CSRNP3: variants seen among roughly 807,000 people sequenced by gnomAD.
CSRNP3 encodes the protein cysteine/serine-rich nuclear protein 3.
A neutral mutation model predicts 48.0 loss-of-function variants in CSRNP3; 12 were observed. The observed-to-expected ratio is 0.25, with a 90% CI of 0.16 to 0.41. The LOEUF (loss-of-function observed/expected upper bound fraction) is 0.41. CSRNP3 is among the 10% of genes least tolerant of loss of function. CSRNP3 has a pLI of 1.00. For synonymous variants in CSRNP3, 263 were observed against 269.7 expected, an observed-to-expected ratio of 0.98 and a Z score of 0.24; for missense variants, 580 against 724.4, an observed-to-expected ratio of 0.80 and a Z score of 2.29.
intron 4 of CSRNP3, among the ~76,000 whole-genome samples, chr2:165,626,540 A>G (rs1159081428): frequency 6.6e-6 from 1 of 152,210 alleles, no homozygotes; most frequent in East Asian, 1.9e-4. Flanking sequence ...TGTCCAAAGC[A>G]TGAGATAAAT....
At chr2:165,600,829 A>G (rs1225633374) in intron 4 of CSRNP3, among the ~76,000 whole-genome samples, 2 of 152,168 alleles carry the variant, frequency 1.3e-5, no homozygotes, top group African/African-American at 4.8e-5. Flanking sequence ...TATCTCATGT[A>G]CCCAGTGTTT....
rs142366433 is a variant in CSRNP3 at position 165,595,115 on chromosome 2, C to T, written c.50C>T (p.Pro17Leu). The T allele has an allele frequency of 3.7e-6, 6 of 1,613,804 alleles. No individual in the cohort carries two copies. Among genetic ancestry groups the T allele is most frequent in the South Asian group, 1.1e-5 (1 of 91,082 alleles). Residue 17 changes from proline to leucine, a missense_variant, in exon 4 of 7, where the codon CCC becomes CTC. Physicochemically the swap from Pro to Leu is moderately conservative, Grantham distance 98. Around this residue, in one of 4 missense-constraint regions of CSRNP3, gnomAD observed 83 missense variants for 139.6 expected, o/e 0.59. Transcript: ENST00000651982. ...TTTGAAGAAGTTGACGGCTCCTCAC[C>T]CTGCTCCTCTGTGAGGGAATCAGAT... ...RKFEEVDGSS[P>L]CSSVRESDDE... is the part of the protein sequence containing the mutation.
chr2:165,639,037 A>G (rs1049462719), intron 4 of CSRNP3, among the ~76,000 whole-genome samples: 1 of 152,216 alleles, frequency 6.6e-6, no homozygotes, highest in Non-Finnish European at 1.5e-5. Flanking sequence ...ACCTTATTAA[A>G]TATATGTTGT....
At chr2:165,526,840 A>G (rs2221999) in intron 3 of CSRNP3, among the ~76,000 whole-genome samples, 26,869 of 152,122 alleles carry the variant, frequency 0.18, 2,557 homozygotes, top group Non-Finnish European at 0.19. Context: ...AATTTGGTTC[A>G]ACTTTTCTAG....
chr2:165,593,044 G>A (rs959655929), intron 3 of CSRNP3, among the ~76,000 whole-genome samples: 66 of 151,840 alleles, frequency 4.3e-4, no homozygotes, highest in African/African-American at 1.2e-3. Flanking sequence ...CTCGTGATCC[G>A]CCCGCCTCGG....
intron 3 of CSRNP3, among the ~76,000 whole-genome samples, chr2:165,576,132 AAT>A (rs534941335): frequency 1.5e-4 from 23 of 150,584 alleles, no homozygotes; most frequent in East Asian, 7.8e-4. Flanking sequence ...TGCATAAAAC[AAT>A]ATATATATAC....
At chr2:165,557,409 T>C (rs1469957419) in intron 3 of CSRNP3, among the ~76,000 whole-genome samples, 1 of 152,178 alleles carries the variant, frequency 6.6e-6, no homozygotes, top group African/African-American at 2.4e-5. Flanking sequence ...TGACTCCTGG[T>C]TTATAGTATC....
chr2:165,636,739 TG>T (rs1686633854), intron 4 of CSRNP3, among the ~76,000 whole-genome samples: 1 of 152,234 alleles, frequency 6.6e-6, no homozygotes. Context: ...ATATGGTTAT[TG>T]TTTCCATCCA....
At chr2:165,598,578 A>G (rs950501802) in intron 4 of CSRNP3, among the ~76,000 whole-genome samples, 2 of 152,208 alleles carry the variant, frequency 1.3e-5, no homozygotes, top group Non-Finnish European at 2.9e-5. Context: ...GCTAAGGTAT[A>G]TATTAGTCAG....
intron 3 of CSRNP3, among the ~76,000 whole-genome samples, chr2:165,571,317 A>G (rs1391502217): frequency 6.6e-6 from 1 of 152,012 alleles, no homozygotes; most frequent in African/African-American, 2.4e-5. Flanking sequence ...CAAGCTTTCA[A>G]ACATCATTTT....
chr2:165,632,828 T>C (rs573031499), intron 4 of CSRNP3, among the ~76,000 whole-genome samples: 1 of 152,332 alleles, frequency 6.6e-6, no homozygotes, highest in Admixed American at 6.5e-5. Flanking sequence ...ATGGGCTACA[T>C]GACTTACCAG....
At chr2:165,474,219 G>GTTTTA (rs959526722) in intron 1 of CSRNP3, among the ~76,000 whole-genome samples, 11 of 151,838 alleles carry the variant, frequency 7.2e-5, no homozygotes, top group East Asian at 1.9e-4. Context: ...TTATCATATT[G>GTTTTA]TTTTATTTTA....
At chr2:165,590,284 A>G (rs1184176759) in intron 3 of CSRNP3, among the ~76,000 whole-genome samples, 1 of 152,190 alleles carries the variant, frequency 6.6e-6, no homozygotes, top group East Asian at 1.9e-4. Context: ...TATAACATTC[A>G]TGCAGAAAGA....
chr2:165,568,257 AT>A (rs1192035936), intron 3 of CSRNP3, among the ~76,000 whole-genome samples: 6 of 151,964 alleles, frequency 3.9e-5, no homozygotes, highest in African/African-American at 1.4e-4. Context: ...TACTTTGCCC[AT>A]ACCTCTTATC....
At chr2:165,615,087 C>A (rs1421903289) in intron 4 of CSRNP3, among the ~76,000 whole-genome samples, 14 of 152,162 alleles carry the variant, frequency 9.2e-5, no homozygotes, top group Admixed American at 4.6e-4. Context: ...TTGGTCTATA[C>A]TGAAGTTAAG....
chr2:165,479,815 G>T (rs1388255376), intron 1 of CSRNP3, among the ~76,000 whole-genome samples: 3 of 151,544 alleles, frequency 2.0e-5, no homozygotes, highest in African/African-American at 7.3e-5. Context: ...AACCCATGGG[G>T]CTGAGGCTGC....
At chr2:165,483,319 A>G (rs1254021486) in intron 1 of CSRNP3, among the ~76,000 whole-genome samples, 2 of 152,292 alleles carry the variant, frequency 1.3e-5, no homozygotes, top group East Asian at 3.9e-4. Flanking sequence ...GGAAAAGTCA[A>G]TGTAGTCAAC....
chr2:165,651,388 T>C, intron 4 of CSRNP3, among the ~76,000 whole-genome samples: 1 of 152,238 alleles, frequency 6.6e-6, no homozygotes, highest in Non-Finnish European at 1.5e-5. Context: ...TAGAGCCTAG[T>C]GTGAATCAGC....
At chr2:165,665,453 C>T (rs911560091) in intron 5 of CSRNP3, among the ~76,000 whole-genome samples, 1 of 152,088 alleles carries the variant, frequency 6.6e-6, no homozygotes, top group Non-Finnish European at 1.5e-5. Flanking sequence ...ATATTCTTGT[C>T]TTAGAGACAA....
Sources: gnomAD v4.1 joint callset for allele counts (sites outside exome capture counted in the v4.1 genomes callset) on GRCh38, gnomAD v4.1.1 for gene constraint, gnomAD v4.1.1 regional missense constraint, MANE v1.5 for transcripts, NCBI Gene and HGNC (gene_info 2026-07-23, HGNC 2026-07-21) for gene names.